The following PIAS2 variants were observed in gnomAD, a reference collection of about 807,000 sequenced individuals.
PIAS2 encodes protein inhibitor of activated STAT 2.
PIAS2 carries 19 observed loss-of-function variants against 69.7 expected under a neutral mutation model. The observed-to-expected ratio is 0.27, with a 90% CI of 0.19 to 0.40. PIAS2 has a LOEUF of 0.40. Ranked by LOEUF, PIAS2 falls within the 10% of genes least tolerant of loss-of-function variation. The pLI is 1.00. For missense variants in PIAS2, 624 were observed against 757.0 expected (o/e 0.82, Z 2.06); for synonymous variants, 261 against 263.2 (o/e 0.99, Z 0.08).
At chr18:46,895,873 C>T (rs1276193884) in intron 1 of PIAS2, among the ~76,000 whole-genome samples, 2 of 152,098 alleles carry the variant, frequency 1.3e-5, no homozygotes. Context: ...CTGGTGAAAT[C>T]ATGTAATCCC....
At chr18:46,847,648 A>AT (rs879472732) in intron 5 of PIAS2, among the ~76,000 whole-genome samples, 6 of 151,906 alleles carry the variant, frequency 3.9e-5, no homozygotes, top group African/African-American at 1.5e-4. Flanking sequence ...CATCCGGCTA[A>AT]TTTTTTTGTA....
intron 5 of PIAS2, among the ~76,000 whole-genome samples, chr18:46,849,967 A>G (rs114385081): frequency 0.013 from 1,939 of 152,282 alleles, 38 homozygotes; most frequent in African/African-American, 0.043. Context: ...TAAGACTTTA[A>G]AAACCCACAG....
intron 2 of PIAS2, among the ~76,000 whole-genome samples, chr18:46,871,641 A>G (rs1340160003): frequency 2.6e-5 from 4 of 152,194 alleles, no homozygotes; most frequent in Non-Finnish European, 5.9e-5. Context: ...AACCCTTTTA[A>G]CAGATTCAAG....
At chr18:46,890,205 A>G (rs966773189) in intron 2 of PIAS2, among the ~76,000 whole-genome samples, 1 of 152,204 alleles carries the variant, frequency 6.6e-6, no homozygotes, top group Non-Finnish European at 1.5e-5. Flanking sequence ...GAGGAAGGCT[A>G]TTGTTTAATG....
At chr18:46,818,831 A>C (rs1298911172) in intron 12 of PIAS2, among the ~76,000 whole-genome samples, 1 of 152,134 alleles carries the variant, frequency 6.6e-6, no homozygotes, top group East Asian at 1.9e-4. Flanking sequence ...ATAACTGTTA[A>C]TACTGGCTAA....
intron 2 of PIAS2, among the ~76,000 whole-genome samples, chr18:46,875,527 C>A (rs190580414): frequency 1.1e-4 from 17 of 152,294 alleles, no homozygotes; most frequent in South Asian, 1.0e-3. Context: ...AGAATCTTCT[C>A]TCTGAGTCGG....
At chr18:46,823,688 C>G (rs1000541100) in intron 11 of PIAS2, among the ~76,000 whole-genome samples, 1 of 152,160 alleles carries the variant, frequency 6.6e-6, no homozygotes, top group African/African-American at 2.4e-5. Context: ...CATCTAAAAC[C>G]TCAGCAAACA....
chr18:46,867,848 C>T (rs975847043), intron 2 of PIAS2, among the ~76,000 whole-genome samples: 7 of 152,178 alleles, frequency 4.6e-5, no homozygotes, highest in African/African-American at 1.7e-4. Context: ...TTAAGTGATG[C>T]TATACAGCTC....
intron 9 of PIAS2, among the ~76,000 whole-genome samples, chr18:46,830,454 A>G (rs953380935): frequency 6.6e-6 from 1 of 152,082 alleles, no homozygotes; most frequent in African/African-American, 2.4e-5. Context: ...AAATGTAATA[A>G]AATTTGTGGA....
intron 1 of PIAS2, among the ~76,000 whole-genome samples, chr18:46,910,166 A>C (rs2057098812): frequency 6.6e-6 from 1 of 152,134 alleles, no homozygotes; most frequent in Admixed American, 6.5e-5. Flanking sequence ...CAAAAAATAA[A>C]TAAATAAATA....
chr18:46,865,806 C>T (rs1374006657), intron 2 of PIAS2, among the ~76,000 whole-genome samples: 2 of 151,982 alleles, frequency 1.3e-5, no homozygotes, highest in Non-Finnish European at 2.9e-5. Context: ...AGATGAAGGC[C>T]AAAAAGTAAA....
intron 5 of PIAS2, among the ~76,000 whole-genome samples, chr18:46,850,090 T>A (rs2046742177): frequency 6.6e-6 from 1 of 152,174 alleles, no homozygotes; most frequent in African/African-American, 2.4e-5. Flanking sequence ...CCTTTTATTG[T>A]TGAAAATTTT....
In PIAS2 at chr18:46,821,003, C is replaced by T. The variant is rs374298044; in HGVS notation, c.1578G>A (p.Pro526=). The T allele has an allele frequency of 2.5e-6, 4 of 1,613,058 alleles. No individual in the cohort carries two copies. The highest frequency in any genetic ancestry group is 1.3e-5 in the African/African-American group (1 of 74,848). The change falls in exon 12 of 14, where the codon CCG becomes CCA. Residue 526 remains proline, a synonymous_variant. Transcript: ENST00000585916. ...GTACTGAGTAGTCTGTTAATGAAGG[C>T]GGAATAGCAGCAGGATCAACCGAAG... ...SVTSVDPAAI[P]PSLTDYSVPF... is the part of the protein sequence containing the mutation.
intron 3 of PIAS2, among the ~76,000 whole-genome samples, chr18:46,858,314 C>A (rs1245742136): frequency 2.0e-5 from 3 of 151,466 alleles, no homozygotes; most frequent in Non-Finnish European, 4.4e-5. Flanking sequence ...GTGTTTAAAG[C>A]ATCAAAGAGA....
chr18:46,913,517 A>T (rs1244374412), intron 1 of PIAS2, among the ~76,000 whole-genome samples: 2 of 151,728 alleles, frequency 1.3e-5, no homozygotes, highest in Non-Finnish European at 1.5e-5. Context: ...ATAAATTCTC[A>T]ATGCATGAAA....
chr18:46,897,023 G>A (rs2054994374), intron 1 of PIAS2, among the ~76,000 whole-genome samples: 1 of 152,160 alleles, frequency 6.6e-6, no homozygotes, highest in African/African-American at 2.4e-5. Context: ...TTCTGAAGCT[G>A]TGTACTGGGG....
chr18:46,863,282 T>C (rs577256611), intron 3 of PIAS2, among the ~76,000 whole-genome samples: 1 of 152,298 alleles, frequency 6.6e-6, no homozygotes, highest in African/African-American at 2.4e-5. Flanking sequence ...ATGGTCACCC[T>C]GTCTTTGGGC....
chr18:46,880,205 A>T (rs1306365472), intron 2 of PIAS2, among the ~76,000 whole-genome samples: 1 of 151,932 alleles, frequency 6.6e-6, no homozygotes, highest in African/African-American at 2.4e-5. Flanking sequence ...TGACCAGCCT[A>T]GGGAAGATGG....
chr18:46,848,841 A>G (rs1464820447), intron 5 of PIAS2, among the ~76,000 whole-genome samples: 1 of 151,610 alleles, frequency 6.6e-6, no homozygotes, highest in Non-Finnish European at 1.5e-5. Context: ...CAAGTGAAAA[A>G]AAAAAAAAGT....
Sources: gnomAD v4.1 joint callset for allele counts (sites outside exome capture counted in the v4.1 genomes callset) on GRCh38, gnomAD v4.1.1 for gene constraint, MANE v1.5 for transcripts, NCBI Gene and HGNC (gene_info 2026-07-23, HGNC 2026-07-21) for gene names.